The following ANK2 variants were observed in gnomAD, a reference collection of about 807,000 sequenced individuals.
The protein encoded by ANK2 is ankyrin-2.
ANK2 carries 83 observed loss-of-function variants against 360.5 expected under a neutral mutation model. The observed-to-expected ratio is 0.23, with a 90% CI of 0.19 to 0.28. ANK2 has a LOEUF of 0.28. Ranked by LOEUF, ANK2 falls within the 10% of genes least tolerant of loss-of-function variation. The probability of loss-of-function intolerance (pLI) is 1.00; values close to 1 mark genes in which losing one functional copy is unlikely to be tolerated. For synonymous variants in ANK2, 1,740 were observed against 1,759.5 expected, an observed-to-expected ratio of 0.99 and a Z score of 0.28; for missense variants, 4,201 against 4,795.7, an observed-to-expected ratio of 0.88 and a Z score of 3.66.
chr4:113,105,186 T>A (rs1194370465), intron 1 of ANK2, among the ~76,000 whole-genome samples: 1 of 152,200 alleles, frequency 6.6e-6, no homozygotes, highest in Non-Finnish European at 1.5e-5. Flanking sequence ...CTTAGGCATA[T>A]AATTAACCTA....
chr4:113,336,233 C>A (rs1422244556), intron 30 of ANK2, 176 bp downstream of exon 30: 3 of 684,214 alleles, frequency 4.4e-6, no homozygotes, highest in Non-Finnish European at 4.6e-6. Flanking sequence ...TTTAAAAATT[C>A]AACTTATATT....
At chr4:113,364,948 A>C (rs1057269229) in intron 40 of ANK2, 91 bp from the exon 41 acceptor site, 53 of 1,480,956 alleles carry the variant, frequency 3.6e-5, no homozygotes, top group Non-Finnish European at 4.7e-5. Flanking sequence ...TTTTCTGTAC[A>C]GATATCAAAA....
intron 2 of ANK2, among the ~76,000 whole-genome samples, chr4:112,987,042 CA>C (rs905880504): frequency 1.3e-5 from 2 of 151,992 alleles, no homozygotes; most frequent in Non-Finnish European, 1.5e-5. Context: ...AAAACACACA[CA>C]AAAAAAATTT....
At chr4:113,139,183 C>T (rs1271842341) in intron 1 of ANK2, among the ~76,000 whole-genome samples, 4 of 152,212 alleles carry the variant, frequency 2.6e-5, no homozygotes, top group African/African-American at 9.7e-5. Flanking sequence ...GCAGCTTTCT[C>T]TCCAGCCTAC....
At chr4:113,374,270 A>G (rs763496245) in intron 45 of ANK2, among the ~76,000 whole-genome samples, 1 of 152,148 alleles carries the variant, frequency 6.6e-6, no homozygotes, top group African/African-American at 2.4e-5. Context: ...TTTCAGGGAC[A>G]TATTTACTTG....
chr4:112,822,435 AAAAC>A (rs1388636358), intron 1 of ANK2, among the ~76,000 whole-genome samples: 3 of 150,816 alleles, frequency 2.0e-5, no homozygotes, highest in Admixed American at 6.6e-5. Context: ...AAAAAAAAGA[AAAAC>A]AACAACAACA....
intron 2 of ANK2, among the ~76,000 whole-genome samples, chr4:113,179,252 G>T (rs993513396): frequency 6.6e-6 from 1 of 152,162 alleles, no homozygotes; most frequent in African/African-American, 2.4e-5. Flanking sequence ...AGTTTCTAGG[G>T]AGCATTACAA....
intron 1 of ANK2, among the ~76,000 whole-genome samples, chr4:113,126,022 T>C (rs1302304398): frequency 6.6e-6 from 1 of 152,176 alleles, no homozygotes; most frequent in Non-Finnish European, 1.5e-5. Context: ...AATGAAGTAA[T>C]CATATAAAGC....
At chr4:112,745,982 A>G in the ANK2 span, among the ~76,000 whole-genome samples, 1 of 151,512 alleles carries the variant, frequency 6.6e-6, no homozygotes, top group Admixed American at 6.6e-5. Context: ...GTTTTAAATC[A>G]TTCTTGTTGT....
At chr4:113,109,446 A>G (rs552327947) in intron 1 of ANK2, among the ~76,000 whole-genome samples, 1 of 152,256 alleles carries the variant, frequency 6.6e-6, no homozygotes, top group South Asian at 2.1e-4. Flanking sequence ...CAGGTTATAA[A>G]TCTGCTGAAG....
chr4:113,053,615 G>T (rs557620301), intron 1 of ANK2, among the ~76,000 whole-genome samples: 2 of 152,162 alleles, frequency 1.3e-5, no homozygotes, highest in South Asian at 2.1e-4. Flanking sequence ...ATTTTTTGAG[G>T]CAGGGTCTTA....
chr4:113,191,809 AC>A (rs2098669396), intron 2 of ANK2, among the ~76,000 whole-genome samples: 1 of 152,284 alleles, frequency 6.6e-6, no homozygotes, highest in Middle Eastern at 3.4e-3. Flanking sequence ...TATTGAAGAA[AC>A]CTTAAATCCT....
At chr4:113,085,966 T>C (rs1432461020) in intron 1 of ANK2, among the ~76,000 whole-genome samples, 4 of 152,210 alleles carry the variant, frequency 2.6e-5, no homozygotes, top group Non-Finnish European at 4.4e-5. Flanking sequence ...ATAGAGGACT[T>C]AGCAAGATCA....
chr4:112,888,265 A>C (rs2078976634), intron 1 of ANK2, among the ~76,000 whole-genome samples: 1 of 152,144 alleles, frequency 6.6e-6, no homozygotes, highest in Non-Finnish European at 1.5e-5. Flanking sequence ...TGGTTAATAG[A>C]ATGTTTAATG....
intron 39 of ANK2, among the ~76,000 whole-genome samples, chr4:113,362,513 T>G (rs1177389321): frequency 6.6e-6 from 1 of 152,162 alleles, no homozygotes; most frequent in Admixed American, 6.6e-5. Context: ...GGCACAATCA[T>G]AGCTCACTGT....
chr4:113,149,874 CAA>C (rs34667216), intron 1 of ANK2, among the ~76,000 whole-genome samples: 743 of 31,302 alleles, frequency 0.024, 2 homozygotes, highest in African/African-American at 0.08. Flanking sequence ...GACCCTGCCT[CAA>C]AAAAAAAAAA....
intron 1 of ANK2, among the ~76,000 whole-genome samples, chr4:113,134,826 T>C (rs989292999): frequency 5.9e-5 from 9 of 152,144 alleles, no homozygotes; most frequent in African/African-American, 2.2e-4. Context: ...CTTGACAAAA[T>C]CAGATTAGAA....
At chr4:113,329,138 T>C (rs550394439) in intron 26 of ANK2, among the ~76,000 whole-genome samples, 3 of 152,342 alleles carry the variant, frequency 2.0e-5, no homozygotes, top group Non-Finnish European at 4.4e-5. Context: ...AGTTTGTATG[T>C]CTTTGTATAC....
At chr4:113,070,956 T>C (rs2077330046) in intron 1 of ANK2, among the ~76,000 whole-genome samples, 1 of 152,040 alleles carries the variant, frequency 6.6e-6, no homozygotes, top group Non-Finnish European at 1.5e-5. Flanking sequence ...CAAATCTTGA[T>C]GACAGTAATG....
Sources: gnomAD v4.1 joint callset for allele counts (sites outside exome capture counted in the v4.1 genomes callset) on GRCh38, gnomAD v4.1.1 for gene constraint, MANE v1.5 for transcripts, NCBI Gene and HGNC (gene_info 2026-07-23, HGNC 2026-07-21) for gene names.